Variants in GABPB2 observed in about 807,000 individuals in gnomAD.
GABPB2 encodes the protein GA binding protein transcription factor subunit beta 2, also known as GA-binding protein subunit beta-2.
GABPB2 carries 23 observed loss-of-function variants against 39.1 expected under a neutral mutation model. The ratio of observed to expected loss-of-function variants is 0.59; its 90% CI spans 0.42 to 0.83. The LOEUF (loss-of-function observed/expected upper bound fraction) is 0.83, where lower values mean the gene tolerates loss of function less well. GABPB2 is among the 40% of genes least tolerant of loss of function. GABPB2 has a pLI of 0.00. For synonymous variants in GABPB2, 184 were observed against 199.3 expected (o/e 0.92, Z 0.65); for missense variants, 467 against 541.1 (o/e 0.86, Z 1.36).
In GABPB2 at chr1:151,097,997, C is replaced by A. The variant is rs150081114; in HGVS notation, c.617C>A (p.Thr206Asn). The A allele has an allele frequency of 5.6e-6, 9 of 1,613,744 alleles. No homozygotes were observed. The African/African-American group carries it at 9.3e-5, about 17-fold the overall frequency. ...SLISSTNTKTTSGDPHASTVQ... is the reference protein window; with the variant it reads ...SLISSTNTKTNSGDPHASTVQ... ...ATTTCTTCAACCAACACCAAAACAA[C>A]CTCAGGTAATGTTCTGATAACATGA... The change falls in exon 5 of 9, where the codon ACC (threonine) becomes AAC (asparagine). Residue 206 changes from threonine to asparagine, a missense_variant. By Grantham distance (65) the Thr-to-Asn change is moderately conservative (BLOSUM62 0). Coordinates refer to ENST00000368918, the MANE Select transcript of GABPB2 (RefSeq NM_144618.3).
chr1:151,087,532 A>G (rs1447939266), intron 1 of GABPB2, among the ~76,000 whole-genome samples: 1 of 151,968 alleles, frequency 6.6e-6, no homozygotes, highest in African/African-American at 2.4e-5. Flanking sequence ...CTGTAATCCC[A>G]GCTACTCAGG....
chr1:151,089,750 A>G (rs1571920496), intron 2 of GABPB2, among the ~76,000 whole-genome samples: 1 of 152,024 alleles, frequency 6.6e-6, no homozygotes, highest in East Asian at 1.9e-4. Context: ...TTGACCTCCC[A>G]AAGTGCTGGG....
At position 151,097,842 on chromosome 1, in the gene GABPB2, T is replaced by C; in HGVS notation, c.472-10T>C. 6.2e-7 allele frequency: 1 copy of C among 1,612,100 alleles called. No individual in the cohort carries two copies. Among genetic ancestry groups the C allele is most frequent in the South Asian group, 1.1e-5 (1 of 90,930 alleles). ...GTGTTCTGATTGAAATATCCTGCCTTGTTTGATAGGAAGCAATGCAGAATC... is the reference window on the plus strand; with the variant it reads ...GTGTTCTGATTGAAATATCCTGCCTCGTTTGATAGGAAGCAATGCAGAATC... On this transcript the variant is annotated splice_polypyrimidine_tract_variant and intron_variant, in intron 4 of 8. Transcript: ENST00000368918.
chr1:151,117,542 G>A (rs755329765), intron 8 of GABPB2, 26 bp downstream of exon 8: 1 of 1,609,086 alleles, frequency 6.2e-7, no homozygotes, highest in South Asian at 1.1e-5. Context: ...GTGATGAAAA[G>A]AATTTAAAGC....
chr1:151,074,345 C>G (rs1185607508), intron 1 of GABPB2, among the ~76,000 whole-genome samples: 1 of 145,344 alleles, frequency 6.9e-6, no homozygotes, highest in Non-Finnish European at 1.5e-5. Flanking sequence ...GAGTCTCGCT[C>G]TGTCGCCCAG....
At chr1:151,094,697 CAG>C (rs1286320992) in intron 4 of GABPB2, among the ~76,000 whole-genome samples, 1 of 149,486 alleles carries the variant, frequency 6.7e-6, no homozygotes, top group Non-Finnish European at 1.5e-5. Context: ...AACAATAGGA[CAG>C]GGGATATAAA....
At chr1:151,099,116 T>C (rs1679328768) in intron 5 of GABPB2, among the ~76,000 whole-genome samples, 1 of 151,506 alleles carries the variant, frequency 6.6e-6, no homozygotes, top group South Asian at 2.1e-4. Flanking sequence ...GAAAGAAACC[T>C]GCATGTTTTC....
chr1:151,105,048 A>G (rs1679853555), intron 6 of GABPB2, among the ~76,000 whole-genome samples: 1 of 151,820 alleles, frequency 6.6e-6, no homozygotes, highest in Non-Finnish European at 1.5e-5. Flanking sequence ...CTGGGATTAC[A>G]GGCGCCCACC....
In GABPB2 at chr1:151,088,302, G is replaced by T. The variant is rs780943117; in HGVS notation, c.108+5G>T. 1 of 1,604,230 alleles carries T rather than the reference G, an allele frequency of 6.2e-7. No individual in the cohort carries two copies. On this transcript the variant is annotated splice_donor_5th_base_variant and intron_variant, in intron 2 of 8. Coordinates refer to ENST00000368918, the MANE Select transcript of GABPB2 (RefSeq NM_144618.3). ...GCCCCATTCACCACAGACTGGGTAAGCTTAGAGGAGAGGTCTCTTAATTAT... is the reference window on the plus strand; with the variant it reads ...GCCCCATTCACCACAGACTGGGTAATCTTAGAGGAGAGGTCTCTTAATTAT...
rs1328726915 is a variant in GABPB2, at chr1:151,122,163, G to A, written c.*3907G>A. 6.6e-6 allele frequency: 1 copy of A among 152,092 alleles called. No individual in the cohort carries two copies. Among genetic ancestry groups the A allele is most frequent in the East Asian group, 1.9e-4 (1 of 5,186 alleles). 9.4% of individuals were successfully genotyped at this position (152,092 alleles called of 1,614,324 possible). ...AGAATTGGTTATTAGAGATTTATAG[G>A]CAAAAATATCAGTTTGGAAATTAAC... On this transcript the variant is annotated 3_prime_UTR_variant, in exon 9 of 9. Coordinates refer to ENST00000368918, the MANE Select transcript of GABPB2 (RefSeq NM_144618.3).
chr1:151,114,185 A>G (rs931731922), intron 7 of GABPB2, among the ~76,000 whole-genome samples: 4 of 151,604 alleles, frequency 2.6e-5, no homozygotes, highest in Non-Finnish European at 4.4e-5. Flanking sequence ...TCTCTAAAAA[A>G]AAATACAAAA....
intron 6 of GABPB2, among the ~76,000 whole-genome samples, chr1:151,105,405 G>T (rs2101543169): frequency 6.8e-6 from 1 of 147,576 alleles, no homozygotes; most frequent in East Asian, 2.0e-4. Flanking sequence ...TATATCAAAT[G>T]TATATCAAAT....
At chr1:151,100,982 C>T (rs987366088) in intron 5 of GABPB2, among the ~76,000 whole-genome samples, 6 of 151,966 alleles carry the variant, frequency 3.9e-5, no homozygotes, top group East Asian at 3.9e-4. Context: ...CGATGGCTCA[C>T]GCCTATAATC....
chr1:151,107,247 G>GT (rs752963342), intron 7 of GABPB2, 25 bp downstream of exon 7: 21 of 1,440,424 alleles, frequency 1.5e-5, no homozygotes, highest in Non-Finnish European at 1.8e-5. Flanking sequence ...GTAGACAATT[G>GT]TTTATTAAAA....
intron 6 of GABPB2, 81 bp downstream of exon 6, chr1:151,103,756 ATAT>A: frequency 1.1e-6 from 1 of 904,724 alleles, no homozygotes; most frequent in South Asian, 1.5e-5. Flanking sequence ...TTTGCATGAA[ATAT>A]TATTAAAGAA....
In GABPB2 at chr1:151,118,672, T is replaced by C. The variant is rs1681060171; in HGVS notation, c.*416T>C. On this transcript the variant is annotated 3_prime_UTR_variant, in exon 9 of 9. Coordinates refer to ENST00000368918, the MANE Select transcript of GABPB2 (RefSeq NM_144618.3). ...CTGAAAATGCCCCTTAGATTTATGA[T>C]GCGTATCTGTTGGAAAAACCAATTG... 1.3e-5 allele frequency: 2 copies of C among 154,868 alleles called. No individual in the cohort carries two copies. Among genetic ancestry groups the C allele is most frequent in the African/African-American group, 2.4e-5 (1 of 41,446 alleles). The allele number at this position is 154,868 out of a possible 1,614,324, so 9.6% of individuals were successfully genotyped here. A position where few individuals can be genotyped will look rare whatever the true frequency, so the allele number is the denominator to read the frequency against.
chr1:151,087,571 C>G (rs755707743), intron 1 of GABPB2, among the ~76,000 whole-genome samples: 1 of 151,892 alleles, frequency 6.6e-6, no homozygotes, highest in Non-Finnish European at 1.5e-5. Flanking sequence ...TGCTTGAACC[C>G]GGGAGGCAGA....
rs181483271 is a variant in GABPB2 at position 151,122,005 on chromosome 1, A to G, written c.*3749A>G. 8.5e-5 allele frequency: 13 copies of G among 152,320 alleles called. No homozygotes were observed. Among genetic ancestry groups the G allele is most frequent in the Admixed American group, 6.5e-4 (10 of 15,290 alleles). 9.4% of individuals were successfully genotyped at this position (152,320 alleles called of 1,614,324 possible). ...GAAAACATGCATTTTTAATTTGGAA[A>G]AAACCTGACAGTTAACATGGTTCTG... On this transcript the variant is annotated 3_prime_UTR_variant, in exon 9 of 9. Transcript: ENST00000368918.
chr1:151,117,804 G>A (rs587774066), intron 8 of GABPB2, among the ~76,000 whole-genome samples, 153 bp from the exon 9 acceptor site: 6 of 152,194 alleles, frequency 3.9e-5, no homozygotes, highest in Admixed American at 6.6e-5. Context: ...AGTTGGTCTC[G>A]AACTCTTGAC....
Sources: allele counts gnomAD v4.1 joint callset (sites outside exome capture counted in the v4.1 genomes callset), GRCh38; gene constraint gnomAD v4.1.1; transcripts MANE v1.5; gene names NCBI Gene and HGNC (gene_info 2026-07-23, HGNC 2026-07-21).